The following RBMS1 variants were observed in gnomAD, a reference collection of about 807,000 sequenced individuals.
RBMS1 encodes RNA-binding motif, single-stranded-interacting protein 1.
RBMS1 carries 17 observed loss-of-function variants against 62.3 expected under a neutral mutation model. The observed-to-expected ratio is 0.27, with a 90% CI of 0.19 to 0.41. The LOEUF (loss-of-function observed/expected upper bound fraction) is 0.41, where lower values mean the gene tolerates loss of function less well. RBMS1 is among the 10% of genes least tolerant of loss of function. The pLI is 1.00. For missense variants in RBMS1, 334 were observed against 504.5 expected (o/e 0.66, Z 3.24); for synonymous variants, 172 against 170.0 (o/e 1.01, Z -0.09).
At chr2:160,320,922 T>C (rs1690524578) in intron 2 of RBMS1, among the ~76,000 whole-genome samples, 1 of 152,092 alleles carries the variant, frequency 6.6e-6, no homozygotes. Flanking sequence ...TTTCATACTT[T>C]TCCAAAAGCG....
chr2:160,286,990 A>T lies in RBMS1; in HGVS notation c.735T>A (p.His245Gln). Residue 245 changes from histidine (H) to glutamine (Q), a missense_variant, in exon 7 of 14, where the codon CAT (histidine) becomes CAA (glutamine). By Grantham distance (24) the His-to-Gln change is conservative. Around this residue, in one of 3 missense-constraint regions of RBMS1, gnomAD observed 182 missense variants for 257.7 expected, o/e 0.71. Transcript: ENST00000348849. The part of the protein sequence containing the change: ...NKYIPNGRPW[H>Q]REGEVRLAGM... ...TTACAAGTCTCACCTCTCCTTCTCTATGCCATGGTCTTCCATTAGGGATGT... is the reference window on the plus strand; with the variant it reads ...TTACAAGTCTCACCTCTCCTTCTCTTTGCCATGGTCTTCCATTAGGGATGT... 6.2e-7 allele frequency: 1 copy of T among 1,606,722 alleles called. No homozygotes were observed. The highest frequency in any genetic ancestry group is 8.5e-7 in the Non-Finnish European group (1 of 1,179,176).
intron 11 of RBMS1, 118 bp from the exon 12 acceptor site, chr2:160,277,501 G>C: frequency 1.4e-6 from 1 of 703,718 alleles, no homozygotes; most frequent in South Asian, 1.9e-5. Flanking sequence ...AAATTTAAAT[G>C]GGCTACACCT....
At chr2:160,324,907 T>TATATATATATACACAC (rs1321182985) in intron 2 of RBMS1, among the ~76,000 whole-genome samples, 12 of 106,810 alleles carry the variant, frequency 1.1e-4, no homozygotes, top group African/African-American at 4.6e-4. Flanking sequence ...TATATATATA[T>TATATATATATACACAC]ACACACACAC....
intron 1 of RBMS1, among the ~76,000 whole-genome samples, chr2:160,413,058 T>C (rs1696092206): frequency 6.6e-6 from 1 of 152,200 alleles, no homozygotes. Context: ...GAGATAAGAA[T>C]AGAACACCTC....
At chr2:160,464,130 A>C (rs1484184186) in intron 1 of RBMS1, among the ~76,000 whole-genome samples, 1 of 151,556 alleles carries the variant, frequency 6.6e-6, no homozygotes, top group African/African-American at 2.4e-5. Context: ...CCACACCACG[A>C]CTCCCCACTC....
chr2:160,484,699 G>A (rs1468304108), intron 1 of RBMS1, among the ~76,000 whole-genome samples: 1 of 151,006 alleles, frequency 6.6e-6, no homozygotes, highest in Non-Finnish European at 1.5e-5. Flanking sequence ...GTGAAACCCC[G>A]CCTCTACTGA....
chr2:160,450,997 A>T (rs967360834), intron 1 of RBMS1, among the ~76,000 whole-genome samples: 12 of 152,074 alleles, frequency 7.9e-5, no homozygotes, highest in Non-Finnish European at 1.5e-5. Context: ...TCTACAAAAA[A>T]CTATAAAAAT....
At chr2:160,346,379 G>C (rs763764773) in intron 2 of RBMS1, among the ~76,000 whole-genome samples, 4 of 152,064 alleles carry the variant, frequency 2.6e-5, no homozygotes, top group Non-Finnish European at 5.9e-5. Context: ...TTTCAGAAGA[G>C]TGGCCTGCTT....
intron 1 of RBMS1, among the ~76,000 whole-genome samples, chr2:160,453,810 A>C (rs1415347562): frequency 6.6e-6 from 1 of 152,124 alleles, no homozygotes; most frequent in Non-Finnish European, 1.5e-5. Flanking sequence ...CTTCTTCACA[A>C]GCACCCTCAG....
Position 160,398,767 on chromosome 2 carries a change from T to C in RBMS1, c.76-31376A>G, listed in dbSNP as rs368197905. 2.6e-5 allele frequency among the ~76,000 whole-genome samples: 4 copies of C among 152,234 alleles called. No individual in the cohort carries two copies. The South Asian group carries it at 8.3e-4, about 32-fold the overall frequency. On this transcript the variant is annotated intron_variant, in intron 1 of 13. Coordinates refer to ENST00000348849, the MANE Select transcript of RBMS1 (RefSeq NM_016836.4). The stretch of plus-strand genomic sequence containing the variant: ...TCACTGAGCCCCAGAGCAAAAAAGG[T>C]TGCAGTAACTTTTCATTTTCCCAAT...
chr2:160,431,984 A>C (rs1258285379), intron 1 of RBMS1, among the ~76,000 whole-genome samples: 1 of 152,196 alleles, frequency 6.6e-6, no homozygotes, highest in East Asian at 1.9e-4. Context: ...GCTCTTTGAG[A>C]AACGGGGTTG....
At chr2:160,331,115 A>C (rs914629990) in intron 2 of RBMS1, among the ~76,000 whole-genome samples, 1 of 152,070 alleles carries the variant, frequency 6.6e-6, no homozygotes, top group African/African-American at 2.4e-5. Context: ...CCCTGCTGAC[A>C]CCTTAATTTT....
intron 1 of RBMS1, among the ~76,000 whole-genome samples, chr2:160,396,141 T>A (rs982862540): frequency 1.4e-4 from 22 of 151,952 alleles, no homozygotes; most frequent in African/African-American, 5.3e-4. Flanking sequence ...TCCACACCAA[T>A]GTCCAACTTT....
intron 1 of RBMS1, among the ~76,000 whole-genome samples, chr2:160,423,230 A>G (rs1460218768): frequency 1.1e-5 from 1 of 95,138 alleles, no homozygotes; most frequent in Non-Finnish European, 2.5e-5. Context: ...TTTTCTTTCA[A>G]TTTTTCTTGG....
intron 2 of RBMS1, among the ~76,000 whole-genome samples, chr2:160,364,388 A>G (rs1017100039): frequency 6.6e-6 from 1 of 152,212 alleles, no homozygotes; most frequent in East Asian, 1.9e-4. Flanking sequence ...CTTTCATTAA[A>G]TGTTTCTAGG....
intron 2 of RBMS1, among the ~76,000 whole-genome samples, chr2:160,323,072 T>C (rs1231312968): frequency 2.6e-5 from 4 of 152,230 alleles, no homozygotes; most frequent in Non-Finnish European, 5.9e-5. Context: ...TCTAATTCTG[T>C]TGTCAATCAC....
intron 1 of RBMS1, among the ~76,000 whole-genome samples, chr2:160,418,498 T>C (rs1696291953): frequency 6.6e-6 from 1 of 152,170 alleles, no homozygotes; most frequent in South Asian, 2.1e-4. Flanking sequence ...TCAAAAGCAA[T>C]AACAACAGTT....
intron 2 of RBMS1, among the ~76,000 whole-genome samples, chr2:160,332,754 T>C (rs1691349104): frequency 6.6e-6 from 1 of 152,002 alleles, no homozygotes; most frequent in Non-Finnish European, 1.5e-5. Context: ...GGAGCTGAGA[T>C]CCTAGTGATA....
intron 2 of RBMS1, among the ~76,000 whole-genome samples, chr2:160,349,886 C>T (rs62177305): frequency 0.076 from 11,517 of 151,358 alleles, 634 homozygotes; most frequent in South Asian, 0.19. Flanking sequence ...AGGCAGATTA[C>T]AATTTTTTAA....
Sources: allele counts gnomAD v4.1 joint callset (sites outside exome capture counted in the v4.1 genomes callset), GRCh38; gene constraint gnomAD v4.1.1; regional missense constraint gnomAD v4.1.1; transcripts MANE v1.5; gene names NCBI Gene and HGNC (gene_info 2026-07-23, HGNC 2026-07-21).